The following COL13A1 variants were observed in gnomAD, a reference collection of about 807,000 sequenced individuals.
COL13A1 encodes collagen alpha-1(XIII) chain.
In COL13A1, 89 loss-of-function variants were observed where a neutral mutation model predicts 130.9. That is an observed-to-expected ratio of 0.68 (90% CI 0.57 to 0.81). The LOEUF (loss-of-function observed/expected upper bound fraction) is 0.81, where lower values mean the gene tolerates loss of function less well. COL13A1 is among the 30% of genes least tolerant of loss of function. The probability of loss-of-function intolerance (pLI) is 0.00; values close to 1 mark genes in which losing one functional copy is unlikely to be tolerated. For missense variants in COL13A1, 879 were observed against 934.6 expected (o/e 0.94, Z 0.78); for synonymous variants, 402 against 341.6 (o/e 1.18, Z -1.95).
At position 69,928,230 on chromosome 10, in the gene COL13A1, G is replaced by A. The variant is rs190440582; in HGVS notation, c.1423-707G>A. Among the ~76,000 whole-genome samples, 30 of 152,212 alleles carry A rather than the reference G, an allele frequency of 2.0e-4. No homozygotes were observed. In the East Asian group the frequency reaches 5.8e-3, roughly 29 times the overall value. ...TTTTTCCTTTAAAATCAACCTTGAG[G>A]TGTAACTTACACATAAGAAAAGGTA... On this transcript the variant is annotated intron_variant, in intron 27 of 40. Transcript: ENST00000645393.
At chr10:69,944,261 T>G in intron 36 of COL13A1, 83 bp downstream of exon 36, 1 of 1,169,878 alleles carries the variant, frequency 8.5e-7, no homozygotes, top group Non-Finnish European at 1.3e-6. Flanking sequence ...TCAGCCCTCA[T>G]GCCTTCCTTC....
intron 1 of COL13A1, among the ~76,000 whole-genome samples, chr10:69,806,749 G>A (rs549368876): frequency 6.6e-6 from 1 of 152,352 alleles, no homozygotes; most frequent in Admixed American, 6.5e-5. Context: ...GCTCATGCCT[G>A]TAATCCCAGC....
intron 9 of COL13A1, 132 bp downstream of exon 9, chr10:69,888,462 G>A (rs185967858): frequency 4.6e-6 from 6 of 1,311,720 alleles, no homozygotes; most frequent in African/African-American, 1.5e-5. Flanking sequence ...GTTGTCACTA[G>A]TGGGAAGTGG....
Position 69,945,711 on chromosome 10 carries a change from C to T in COL13A1, c.2009C>T (p.Ala670Val), listed in dbSNP as rs763924925. The T allele has an allele frequency of 3.7e-6, 6 of 1,612,554 alleles. No homozygotes were observed. The South Asian group carries it at 6.6e-5, about 18-fold the overall frequency. Residue 670 changes from alanine (A) to valine (V), a missense_variant, in exon 37 of 41, where the codon GCA (alanine) becomes GTA (valine). Physicochemically the swap from Ala to Val is moderately conservative, Grantham distance 64. Around this residue, in one of 3 missense-constraint regions of COL13A1, gnomAD observed 96 missense variants for 147.7 expected, o/e 0.65. Coordinates refer to ENST00000645393, the MANE Select transcript of COL13A1 (RefSeq NM_001368882.1). ...GDPGMTGPTG[A>V]AGLPGLHGPP... is the part of the protein sequence containing the mutation. ...CCTGGGATGACAGGACCAACGGGAG[C>T]AGCTGGGCTTCCTGTGAGTCTCTTG... is the stretch of plus-strand genomic sequence containing the variant.
chr10:69,923,914 A>C, intron 24 of COL13A1, 59 bp downstream of exon 24: 3 of 1,577,428 alleles, frequency 1.9e-6, no homozygotes, highest in Non-Finnish European at 2.6e-6. Flanking sequence ...GAGGTCAAGA[A>C]TCATCCCGGC....
chr10:69,905,066 A>C, intron 16 of COL13A1, 107 bp downstream of exon 16: 31 of 1,251,922 alleles, frequency 2.5e-5, no homozygotes, highest in Middle Eastern at 2.4e-4. Context: ...GAGGGATCTC[A>C]GCTGAGAGAC....
chr10:69,814,154 T>C (rs565281123), intron 1 of COL13A1, among the ~76,000 whole-genome samples: 2 of 152,296 alleles, frequency 1.3e-5, no homozygotes, highest in South Asian at 4.1e-4. Flanking sequence ...GTGCCAGGCA[T>C]TGTGATCAGA....
At chr10:69,856,395 C>T (rs79329828) in intron 2 of COL13A1, among the ~76,000 whole-genome samples, 1 of 152,142 alleles carries the variant, frequency 6.6e-6, no homozygotes, top group Admixed American at 6.5e-5. Flanking sequence ...ATTTATGTGA[C>T]CTGCCTGGCT....
At position 69,863,244 on chromosome 10, in the gene COL13A1, A is replaced by C. The variant is rs200179751; in HGVS notation, c.365-4554A>C. Among the ~76,000 whole-genome samples the C allele has an allele frequency of 2.0e-4, 30 of 152,304 alleles. No homozygotes were observed. The East Asian group carries it at 5.6e-3, about 28-fold the overall frequency. On this transcript the variant is annotated intron_variant, in intron 2 of 40. Coordinates refer to ENST00000645393, the MANE Select transcript of COL13A1 (RefSeq NM_001368882.1). ...CCAGTAGAAACTTCCCAGTCGTGAA[A>C]TCAAAATGTCTCCAGACATTGTCAA...
At chr10:69,826,425 G>C (rs1847498473) in intron 2 of COL13A1, among the ~76,000 whole-genome samples, 1 of 152,228 alleles carries the variant, frequency 6.6e-6, no homozygotes, top group African/African-American at 2.4e-5. Flanking sequence ...TGGTGGCATG[G>C]GGGTGATGTG....
rs1482868220 is a variant in COL13A1 at position 69,930,566 on chromosome 10, C to T, written c.1683+14C>T. 6.2e-7 allele frequency: 1 copy of T among 1,610,196 alleles called. No homozygotes were observed. The highest frequency in any genetic ancestry group is 1.7e-5 in the Admixed American group (1 of 59,528). On this transcript the variant is annotated intron_variant, in intron 30 of 40. Transcript: ENST00000645393. ...GCAGGCTCACCGGTGAGTGGCAGGG[C>T]TGGCTGCCCTTCCGTGCATACACCA...
chr10:69,891,255 C>T (rs751472137), intron 10 of COL13A1, among the ~76,000 whole-genome samples: 34 of 152,294 alleles, frequency 2.2e-4, no homozygotes, highest in Non-Finnish European at 3.7e-4. Context: ...CTTGGTATAA[C>T]AAAAACCTCA....
intron 7 of COL13A1, among the ~76,000 whole-genome samples, chr10:69,880,759 A>G (rs2060053719): frequency 6.6e-6 from 1 of 152,234 alleles, no homozygotes; most frequent in Non-Finnish European, 1.5e-5. Context: ...CCTAAATTAC[A>G]GTCCCTTGGG....
At chr10:69,876,931 C>T (rs1367249716) in intron 5 of COL13A1, among the ~76,000 whole-genome samples, 2 of 152,170 alleles carry the variant, frequency 1.3e-5, no homozygotes, top group African/African-American at 4.8e-5. Flanking sequence ...TGGGCCTTCC[C>T]GTCCTGTCCG....
In COL13A1 at chr10:69,835,687, C is replaced by T. The variant is rs185225862; in HGVS notation, c.364+13249C>T. The stretch of plus-strand genomic sequence containing the variant: ...TGGCAGGGTTGGGACTGGAAATAAG[C>T]TCTGAAACATCAGAAGGCAAATGCC... On this transcript the variant is annotated intron_variant, in intron 2 of 40. Transcript: ENST00000645393. Among the ~76,000 whole-genome samples the T allele has an allele frequency of 2.6e-5, 4 of 152,302 alleles. No individual in the cohort carries two copies. In the East Asian group the frequency reaches 7.7e-4, roughly 29 times the overall value.
intron 2 of COL13A1, among the ~76,000 whole-genome samples, chr10:69,834,010 A>AG (rs1849438671): frequency 6.6e-6 from 1 of 152,130 alleles, no homozygotes; most frequent in Admixed American, 6.5e-5. Flanking sequence ...AGGGTGAATT[A>AG]GGGGCAGGAG....
chr10:69,863,556 C>T (rs752398251), intron 2 of COL13A1, among the ~76,000 whole-genome samples: 6 of 152,154 alleles, frequency 3.9e-5, no homozygotes, highest in African/African-American at 1.4e-4. Context: ...CACCCTGCCA[C>T]TCTTGATGCC....
At chr10:69,918,426 G>A (rs2064209374) in intron 19 of COL13A1, 109 bp downstream of exon 19, 5 of 1,057,756 alleles carry the variant, frequency 4.7e-6, no homozygotes, top group African/African-American at 3.2e-5. Flanking sequence ...CAATGAGGGG[G>A]CATACAGGAT....
At chr10:69,886,381 C>T (rs1371750288) in intron 7 of COL13A1, among the ~76,000 whole-genome samples, 1 of 152,120 alleles carries the variant, frequency 6.6e-6, no homozygotes, top group Non-Finnish European at 1.5e-5. Context: ...CAGTCATAGT[C>T]GGAGGCAGGA....
Sources: allele counts gnomAD v4.1 joint callset (sites outside exome capture counted in the v4.1 genomes callset), GRCh38; gene constraint gnomAD v4.1.1; regional missense constraint gnomAD v4.1.1; transcripts MANE v1.5; gene names NCBI Gene and HGNC (gene_info 2026-07-23, HGNC 2026-07-21).